NSF: variants seen among roughly 807,000 people sequenced by gnomAD.
The protein encoded by NSF is vesicle-fusing ATPase.
Under a neutral mutation model 50.3 loss-of-function variants are expected in NSF, and 14 were observed. The ratio of observed to expected loss-of-function variants is 0.28; its 90% confidence interval spans 0.18 to 0.44. NSF has a LOEUF of 0.44. Ranked by LOEUF, NSF falls within the 20% of genes least tolerant of loss-of-function variation. The probability of loss-of-function intolerance (pLI) is 1.00; values close to 1 mark genes in which losing one functional copy is unlikely to be tolerated. For synonymous variants in NSF, 109 were observed against 175.7 expected (o/e 0.62, Z 3.00); for missense variants, 218 against 504.3 (o/e 0.43, Z 5.44).
chr17:46,714,425 G>A (rs1053440991), intron 15 of NSF, among the ~76,000 whole-genome samples: 1 of 152,210 alleles, frequency 6.6e-6, no homozygotes, highest in African/African-American at 2.4e-5. Context: ...CAAAAGGATA[G>A]TTTTATATTA....
rs772310644 is a variant in NSF, at chr17:46,610,126, TTC to T, written c.13-14117_13-14116del. Among the ~76,000 whole-genome samples, 548 of 109,762 alleles carry T rather than the reference TTC, an allele frequency of 5.0e-3. 16 individuals carry two copies. The highest frequency in any genetic ancestry group is 0.019 in the African/African-American group (526 of 27,098). The allele number at this position is 109,762 out of a possible 152,430, so 72.0% of individuals were successfully genotyped here. On this transcript the variant is annotated intron_variant, in intron 1 of 20. Transcript: ENST00000398238. ...CTCTCTCTCTCTCTCTCTCTCTCTC[TTC>T]CTTTCTTCCTTTCTTTTTGTAGAGT...
chr17:46,729,713 C>G (rs1384168093), intron 17 of NSF, among the ~76,000 whole-genome samples: 1 of 152,082 alleles, frequency 6.6e-6, no homozygotes, highest in Non-Finnish European at 1.5e-5. Flanking sequence ...GTATGAGAAT[C>G]TCATATTTAA....
intron 1 of NSF, among the ~76,000 whole-genome samples, chr17:46,608,716 TC>T (rs2057975074): frequency 8.4e-6 from 1 of 118,714 alleles, no homozygotes; most frequent in Admixed American, 8.3e-5. Flanking sequence ...TGCCTCATCC[TC>T]CCGAGTAGCT....
intron 15 of NSF, chr17:46,721,685 G>T: frequency 1.9e-6 from 3 of 1,604,820 alleles, no homozygotes; most frequent in Non-Finnish European, 2.6e-6. Context: ...GTTCTGCTGT[G>T]CTTTGTCCAA....
At chr17:46,754,585 G>A (rs1041813383) in intron 19 of NSF, among the ~76,000 whole-genome samples, 3 of 152,162 alleles carry the variant, frequency 2.0e-5, no homozygotes, top group Non-Finnish European at 4.4e-5. Flanking sequence ...GTGGGCCTAC[G>A]AGAATAAAGT....
intron 20 of NSF, 156 bp downstream of exon 20, chr17:46,755,525 G>T: frequency 1.4e-6 from 1 of 733,714 alleles, no homozygotes; most frequent in Non-Finnish European, 2.3e-6. Flanking sequence ...AAGGAAGTTG[G>T]TTGTACTGTT....
intron 17 of NSF, among the ~76,000 whole-genome samples, chr17:46,741,940 G>C (rs541583456): frequency 1.3e-5 from 2 of 152,102 alleles, no homozygotes; most frequent in Non-Finnish European, 2.9e-5. Context: ...TAATTTAGTA[G>C]AGACAGCATT....
rs1403489443 is a variant in NSF, at chr17:46,710,990, G to A, written c.1498G>A (p.Ala500Thr). ...CTTTGGCACAAACCAAGAAGATTAT[G>A]CAAGTTACATTATGAACGGTATCAT... ...PAFGTNQEDY[A>T]SYIMNGIIKW... Residue 500 changes from alanine to threonine, a missense_variant, in exon 14 of 21, where the codon GCA (alanine) becomes ACA (threonine). Ala to Thr is a moderately conservative substitution (Grantham distance 58). Coordinates refer to ENST00000398238, the MANE Select transcript of NSF (RefSeq NM_006178.4). 9 of 1,594,512 alleles carry A rather than the reference G, an allele frequency of 5.6e-6. No individual in the cohort carries two copies. In the Admixed American group the frequency reaches 1.5e-4, roughly 26 times the overall value.
chr17:46,725,545 C>T (rs2058880107), intron 15 of NSF, among the ~76,000 whole-genome samples: 1 of 152,084 alleles, frequency 6.6e-6, no homozygotes, highest in Admixed American at 6.6e-5. Context: ...GTTAGGAATA[C>T]TTTAAAAACC....
chr17:46,707,532 A>C (rs2146253314), intron 13 of NSF, among the ~76,000 whole-genome samples: 1 of 152,218 alleles, frequency 6.6e-6, no homozygotes, highest in Non-Finnish European at 1.5e-5. Flanking sequence ...ATTAAATAAT[A>C]ACTCTTTTTT....
At chr17:46,622,341 C>T (rs2146134860) in intron 1 of NSF, among the ~76,000 whole-genome samples, 1 of 149,684 alleles carries the variant, frequency 6.7e-6, no homozygotes, top group East Asian at 2.0e-4. Context: ...ACCTGTAGTC[C>T]CAGCTACTTG....
At chr17:46,755,532 T>C (rs1337536920) in intron 20 of NSF, 163 bp downstream of exon 20, 5 of 721,654 alleles carry the variant, frequency 6.9e-6, no homozygotes, top group South Asian at 1.8e-5. Context: ...TTGGTTGTAC[T>C]GTTGGTTTGC....
rs1196410537 is a variant in NSF, at chr17:46,703,569, C to T, written c.1375-1190C>T. Among the ~76,000 whole-genome samples the T allele has an allele frequency of 3.4e-5, 5 of 147,120 alleles. No homozygotes were observed. In the East Asian group the frequency reaches 1.0e-3, roughly 30 times the overall value. ...TGGTGGTGGGCACCTGTAGTCCCAGCTACTCGGGAGGCTGAGGCAGGAGAA... is the reference window on the plus strand; with the variant it reads ...TGGTGGTGGGCACCTGTAGTCCCAGTTACTCGGGAGGCTGAGGCAGGAGAA... On this transcript the variant is annotated intron_variant, in intron 12 of 20. Coordinates refer to ENST00000398238, the MANE Select transcript of NSF (RefSeq NM_006178.4).
intron 15 of NSF, among the ~76,000 whole-genome samples, chr17:46,718,487 A>T (rs1481402129): frequency 1.3e-5 from 2 of 152,234 alleles, no homozygotes; most frequent in Non-Finnish European, 2.9e-5. Context: ...TGGTGCATGT[A>T]CTCCATAAAT....
chr17:46,744,500 A>G (rs1166398303), intron 17 of NSF, among the ~76,000 whole-genome samples: 2 of 152,206 alleles, frequency 1.3e-5, no homozygotes, highest in African/African-American at 2.4e-5. Flanking sequence ...CTTGCTCAGC[A>G]TTGAATGATA....
chr17:46,657,634 C>A (rs1423411560), intron 8 of NSF, among the ~76,000 whole-genome samples: 1 of 126,514 alleles, frequency 7.9e-6, no homozygotes, highest in Non-Finnish European at 1.7e-5. Context: ...AGGTCTGTCA[C>A]ACTTAACGTC....
At chr17:46,755,590 A>C (rs1321151549) in intron 20 of NSF, 1 of 689,948 alleles carries the variant, frequency 1.4e-6, no homozygotes. Flanking sequence ...TGCAGGAAAA[A>C]CTTAATGGTA....
At chr17:46,727,020 A>G (rs962199168) in intron 16 of NSF, among the ~76,000 whole-genome samples, 2 of 152,194 alleles carry the variant, frequency 1.3e-5, no homozygotes, top group Non-Finnish European at 2.9e-5. Context: ...CAAATTCACT[A>G]AAACACTAAG....
Position 46,719,560 on chromosome 17 carries a change from C to T in NSF, c.1761+5574C>T, listed in dbSNP as rs1204204370. Among the ~76,000 whole-genome samples the T allele has an allele frequency of 1.3e-5, 2 of 152,118 alleles. No homozygotes were observed. Among genetic ancestry groups the T allele is most frequent in the Non-Finnish European group, 1.5e-5 (1 of 68,026 alleles). ...AAGTATGTATGAGGTATTGTCCTCA[C>T]GTTCTGGGGGGTATACCATATGTTC... On this transcript the variant is annotated intron_variant, in intron 15 of 20. Coordinates refer to ENST00000398238, the MANE Select transcript of NSF (RefSeq NM_006178.4). The surrounding 1 kb of genome is among the most constrained non-coding windows in gnomAD (Gnocchi z 4.3).
Sources: gnomAD v4.1 joint callset for allele counts (sites outside exome capture counted in the v4.1 genomes callset) on GRCh38, gnomAD v4.1.1 for gene constraint, Gnocchi (gnomAD v3.1) non-coding constraint, MANE v1.5 for transcripts, NCBI Gene and HGNC (gene_info 2026-07-23, HGNC 2026-07-21) for gene names.